NYAP2: variants seen among roughly 807,000 people sequenced by gnomAD.
The protein encoded by NYAP2 is neuronal tyrosine-phosphorylated phosphoinositide-3-kinase adapter 2.
Under a neutral mutation model 50.4 loss-of-function variants are expected in NYAP2, and 23 were observed. The observed-to-expected ratio is 0.46, with a 90% CI of 0.33 to 0.65. The LOEUF (loss-of-function observed/expected upper bound fraction) is 0.65. NYAP2 is among the 30% of genes least tolerant of loss of function. The probability of loss-of-function intolerance (pLI) is 0.02; values close to 1 mark genes in which losing one functional copy is unlikely to be tolerated. For missense variants in NYAP2, 885 were observed against 861.0 expected, an observed-to-expected ratio of 1.03 and a Z score of -0.35; for synonymous variants, 394 against 365.2, an observed-to-expected ratio of 1.08 and a Z score of -0.90.
At chr2:225,521,855 G>T (rs1019894919) in intron 4 of NYAP2, among the ~76,000 whole-genome samples, 1 of 152,138 alleles carries the variant, frequency 6.6e-6, no homozygotes, top group Admixed American at 6.5e-5. Flanking sequence ...AATGGTACCA[G>T]TTCCTCCTTG....
chr2:225,415,851 C>T (rs770308644), intron 3 of NYAP2, among the ~76,000 whole-genome samples: 13 of 152,028 alleles, frequency 8.6e-5, no homozygotes, highest in Non-Finnish European at 1.3e-4. Flanking sequence ...CACAGAAATA[C>T]TGTATAACTA....
chr2:225,519,621 A>G (rs1691011010), intron 4 of NYAP2, among the ~76,000 whole-genome samples: 1 of 152,092 alleles, frequency 6.6e-6, no homozygotes, highest in Non-Finnish European at 1.5e-5. Context: ...TTATGGCTGC[A>G]TAGTATTCCG....
chr2:225,463,007 T>C (rs1435824540), intron 3 of NYAP2, among the ~76,000 whole-genome samples: 1 of 152,236 alleles, frequency 6.6e-6, no homozygotes, highest in African/African-American at 2.4e-5. Flanking sequence ...ACTTAAATCA[T>C]GAAGCAGGTT....
downstream of NYAP2, chr2:225,654,156 A>C (rs1412736902): frequency 6.6e-6 from 1 of 152,268 alleles, no homozygotes; most frequent in African/African-American, 2.4e-5. Flanking sequence ...GTGCTCAGGC[A>C]TGCAAGACAA....
chr2:225,559,930 T>G (rs2106215031), intron 4 of NYAP2, among the ~76,000 whole-genome samples: 1 of 152,222 alleles, frequency 6.6e-6, no homozygotes, highest in African/African-American at 2.4e-5. Flanking sequence ...GAGAAGATAT[T>G]GCCTGCATTA....
At chr2:225,482,936 T>C (rs1690230924) in intron 3 of NYAP2, among the ~76,000 whole-genome samples, 1 of 152,286 alleles carries the variant, frequency 6.6e-6, no homozygotes, top group African/African-American at 2.4e-5. Context: ...TTGTGGACTG[T>C]TCAGGACTTC....
intron 5 of NYAP2, among the ~76,000 whole-genome samples, chr2:225,620,430 C>T (rs1201636578): frequency 3.3e-5 from 1 of 30,468 alleles, no homozygotes; most frequent in African/African-American, 8.3e-5. Flanking sequence ...CGCACACGCA[C>T]GCACACACGC....
At chr2:225,421,771 G>A (rs1018573286) in intron 3 of NYAP2, among the ~76,000 whole-genome samples, 1 of 152,178 alleles carries the variant, frequency 6.6e-6, no homozygotes, top group Non-Finnish European at 1.5e-5. Context: ...TTTTTCTCTA[G>A]ATTTTGCTGG....
intron 5 of NYAP2, among the ~76,000 whole-genome samples, chr2:225,618,290 A>G (rs1398516114): frequency 3.9e-5 from 6 of 152,178 alleles, no homozygotes; most frequent in Non-Finnish European, 8.8e-5. Flanking sequence ...CTCCGCACAA[A>G]TATTTTATTA....
chr2:225,440,248 C>T (rs1003491377), intron 3 of NYAP2, among the ~76,000 whole-genome samples: 4 of 152,194 alleles, frequency 2.6e-5, no homozygotes, highest in Non-Finnish European at 5.9e-5. Context: ...GCTAATTCCA[C>T]CTTCAGATCA....
At chr2:225,641,680 G>A (rs1693537430) in intron 6 of NYAP2, among the ~76,000 whole-genome samples, 1 of 152,046 alleles carries the variant, frequency 6.6e-6, no homozygotes, top group South Asian at 2.1e-4. Flanking sequence ...GGGCGTGGTG[G>A]CACGTGCCTG....
At chr2:225,458,573 C>CT (rs1002523655) in intron 3 of NYAP2, among the ~76,000 whole-genome samples, 3 of 152,284 alleles carry the variant, frequency 2.0e-5, no homozygotes, top group African/African-American at 7.2e-5. Flanking sequence ...AAACAGAACT[C>CT]TGAGTTCTGA....
At chr2:225,597,793 T>A (rs1000178343) in intron 5 of NYAP2, among the ~76,000 whole-genome samples, 1 of 151,806 alleles carries the variant, frequency 6.6e-6, no homozygotes, top group South Asian at 2.1e-4. Context: ...AAGGAAATCA[T>A]GCACAGGACA....
In NYAP2 at chr2:225,483,294, T is replaced by C. The variant is rs191330511; in HGVS notation, c.222-30077T>C. On this transcript the variant is annotated intron_variant, in intron 3 of 6. Coordinates refer to ENST00000636099, the Ensembl canonical transcript of NYAP2. ...GATATAGAATGTGAGGATGGCTTTA[T>C]TACCACATATCTTTAAACTCATCAA... 1.4e-4 allele frequency among the ~76,000 whole-genome samples: 21 copies of C among 152,302 alleles called. No homozygotes were observed. In the East Asian group the frequency reaches 4.0e-3, roughly 29 times the overall value.
chr2:225,511,357 CACACACACACACACACAGAG>C (rs1362965777), intron 3 of NYAP2, among the ~76,000 whole-genome samples: 2 of 141,902 alleles, frequency 1.4e-5, no homozygotes, highest in Admixed American at 1.4e-4. Context: ...CACACACACA[CACACACACACACACACAGAG>C]AGAGAGAGAG....
the NYAP2 span, among the ~76,000 whole-genome samples, chr2:225,677,470 G>T: frequency 1.3e-5 from 2 of 151,568 alleles, no homozygotes; most frequent in African/African-American, 4.9e-5. Context: ...GTGAGAGTGG[G>T]CATCCTGTTC....
rs1161492136 is a variant in NYAP2 at position 225,419,864 on chromosome 2, G to A, written c.221+10763G>A. ...AATACAGGGGAAGATTGTTTGCTTT[G>A]GGCATTTGCAAATGACACATGTACC... is the stretch of plus-strand genomic sequence containing the variant. On this transcript the variant is annotated intron_variant, in intron 3 of 6. Transcript: ENST00000636099. 3.9e-5 allele frequency among the ~76,000 whole-genome samples: 6 copies of A among 151,984 alleles called. No individual in the cohort carries two copies. The East Asian group carries it at 1.2e-3, about 29-fold the overall frequency.
At position 225,539,696 on chromosome 2, in the gene NYAP2, A is replaced by AT. The variant is rs568963121; in HGVS notation, c.523+26034dup. Among the ~76,000 whole-genome samples the AT allele has an allele frequency of 2.3e-4, 35 of 149,120 alleles. No homozygotes were observed. The Middle Eastern group carries it at 0.01, about 45-fold the overall frequency. On this transcript the variant is annotated intron_variant, in intron 4 of 6. Transcript: ENST00000636099. ...GACCACTTTTTGTTGGGGTTGTTTG[A>AT]TTTTTTTTTTCTGATAAATTTGTGA... is the stretch of plus-strand genomic sequence containing the variant.
the NYAP2 span, among the ~76,000 whole-genome samples, chr2:225,683,862 T>A: frequency 1.3e-5 from 2 of 152,186 alleles, no homozygotes; most frequent in African/African-American, 4.8e-5. Flanking sequence ...GGGTTTCTCA[T>A]AAGGGACGTT....
Sources: allele counts gnomAD v4.1 joint callset (sites outside exome capture counted in the v4.1 genomes callset), GRCh38; gene constraint gnomAD v4.1.1; transcripts MANE v1.5; gene names NCBI Gene and HGNC (gene_info 2026-07-23, HGNC 2026-07-21).